Variants in EPB41L3 observed in about 807,000 individuals in gnomAD.
EPB41L3 encodes band 4.1-like protein 3.
A neutral mutation model predicts 127.1 loss-of-function variants in EPB41L3; 57 were observed. That is an observed-to-expected ratio of 0.45 (90% CI 0.36 to 0.56). EPB41L3 has a LOEUF of 0.56. Among genes scored for constraint, EPB41L3 ranks in the 20% least tolerant of loss-of-function variants. EPB41L3 has a pLI of 0.00. For synonymous variants in EPB41L3, 572 were observed against 549.5 expected (o/e 1.04, Z -0.57); for missense variants, 1,273 against 1,372.2 (o/e 0.93, Z 1.14).
intron 9 of EPB41L3, among the ~76,000 whole-genome samples, chr18:5,427,405 C>A (rs1426151902): frequency 6.6e-6 from 1 of 152,054 alleles, no homozygotes; most frequent in East Asian, 1.9e-4. Flanking sequence ...TATGTACAAA[C>A]CACTAAGGAA....
chr18:5,417,200 T>A lies in EPB41L3; in HGVS notation c.1507-822A>T, dbSNP rs187730397. On this transcript the variant is annotated intron_variant, in intron 12 of 22. Transcript: ENST00000341928. The stretch of plus-strand genomic sequence containing the variant: ...ATGCATAATAACAGAAAGATATAAT[T>A]TCCCAGCCTTCTGATTTTTCTTAGC... Among the ~76,000 whole-genome samples, 187 of 152,338 alleles carry A rather than the reference T, an allele frequency of 1.2e-3. 1 individual carries two copies. The highest frequency in any genetic ancestry group is 9.8e-4 in the Non-Finnish European group (67 of 68,030).
intron 1 of EPB41L3, among the ~76,000 whole-genome samples, chr18:5,618,055 C>A (rs960977486): frequency 6.6e-6 from 1 of 152,176 alleles, no homozygotes; most frequent in African/African-American, 2.4e-5. Context: ...GTTGTCTGGA[C>A]TAGCCTGGAA....
chr18:5,401,766 T>C (rs2074532204), intron 16 of EPB41L3, among the ~76,000 whole-genome samples: 1 of 152,180 alleles, frequency 6.6e-6, no homozygotes, highest in African/African-American at 2.4e-5. Flanking sequence ...GTTTTTGCTT[T>C]TTAACTTCTT....
chr18:5,464,386 G>A (rs1372996290), intron 3 of EPB41L3, among the ~76,000 whole-genome samples: 2 of 152,166 alleles, frequency 1.3e-5, no homozygotes, highest in African/African-American at 4.8e-5. Flanking sequence ...GCCAGCCAAA[G>A]ATCTGTGGTC....
In EPB41L3 at chr18:5,466,891, A is replaced by C. The variant is rs1400242331; in HGVS notation, c.381+11350T>G. Reference sequence around the variant, plus strand: ...GGCCAGCAGTACTTCCACAAAAAGGAAGGCATGAATTGAAATGCTAACTAA... The same window carrying C: ...GGCCAGCAGTACTTCCACAAAAAGGCAGGCATGAATTGAAATGCTAACTAA... On this transcript the variant is annotated intron_variant, in intron 3 of 22. Transcript: ENST00000341928. 4.6e-5 allele frequency among the ~76,000 whole-genome samples: 7 copies of C among 152,258 alleles called. No individual in the cohort carries two copies. In the East Asian group the frequency reaches 9.6e-4, roughly 21 times the overall value.
intron 8 of EPB41L3, among the ~76,000 whole-genome samples, chr18:5,432,971 G>T (rs576187933): frequency 1.3e-5 from 2 of 152,186 alleles, no homozygotes; most frequent in Non-Finnish European, 2.9e-5. Flanking sequence ...ACAGTGTCTG[G>T]CACTTAATGA....
intron 1 of EPB41L3, among the ~76,000 whole-genome samples, chr18:5,541,256 A>AAAAAAAAAC (rs2093722173): frequency 6.8e-6 from 1 of 147,714 alleles, no homozygotes; most frequent in African/African-American, 2.5e-5. Flanking sequence ...CCATCTCAAA[A>AAAAAAAAAC]AAAAAAAAAA....
intron 8 of EPB41L3, among the ~76,000 whole-genome samples, chr18:5,432,587 T>C (rs891079308): frequency 6.6e-6 from 1 of 152,212 alleles, no homozygotes; most frequent in South Asian, 2.1e-4. Flanking sequence ...TCCTTGTATT[T>C]CCACAAGACT....
intron 16 of EPB41L3, 184 bp from the exon 17 acceptor site, chr18:5,398,327 T>C: frequency 1.4e-6 from 1 of 697,004 alleles, no homozygotes; most frequent in Non-Finnish European, 2.4e-6. Flanking sequence ...GTGCTCTTGT[T>C]TGGTAAAGCA....
chr18:5,454,072 C>T (rs2082670466), intron 3 of EPB41L3, among the ~76,000 whole-genome samples: 1 of 152,152 alleles, frequency 6.6e-6, no homozygotes, highest in South Asian at 2.1e-4. Flanking sequence ...ACAGCTTGAG[C>T]CCAAATCAGA....
chr18:5,491,270 C>T (rs1252942330), intron 1 of EPB41L3, among the ~76,000 whole-genome samples: 7 of 152,194 alleles, frequency 4.6e-5, no homozygotes, highest in Non-Finnish European at 1.0e-4. Context: ...CCTTCCAGCA[C>T]GGGTCTCTGG....
Position 5,428,172 on chromosome 18 carries a change from C to T in EPB41L3, c.1065+141G>A, listed in dbSNP as rs556612993. ...TATTTATTACTGTTTATTGGGCAAA[C>T]CTACAATAAACTCTCTCAGGCACTT... On this transcript the variant is annotated intron_variant, in intron 9 of 22. Transcript: ENST00000341928. 1.2e-5 allele frequency: 11 copies of T among 886,400 alleles called. No homozygotes were observed. In the African/African-American group the frequency reaches 1.7e-4, roughly 13 times the overall value. The allele number at this position is 886,400 out of a possible 1,614,324, so 54.9% of individuals were successfully genotyped here. A position where few individuals can be genotyped will look rare whatever the true frequency, so the allele number is the denominator to read the frequency against.
intron 16 of EPB41L3, among the ~76,000 whole-genome samples, chr18:5,405,230 G>A (rs1003207310): frequency 6.6e-6 from 1 of 152,136 alleles, no homozygotes; most frequent in African/African-American, 2.4e-5. Context: ...AAGGACTTAA[G>A]CACTGCATAT....
chr18:5,482,761 T>C (rs1174577528), intron 2 of EPB41L3, among the ~76,000 whole-genome samples: 1 of 152,108 alleles, frequency 6.6e-6, no homozygotes. Flanking sequence ...CCAACAAAAT[T>C]ATCATTCAAA....
intron 1 of EPB41L3, among the ~76,000 whole-genome samples, chr18:5,614,961 G>A (rs2094775708): frequency 6.6e-6 from 1 of 152,094 alleles, no homozygotes; most frequent in South Asian, 2.1e-4. Context: ...ACATGGCCAG[G>A]GGACAAGGCT....
intron 16 of EPB41L3, among the ~76,000 whole-genome samples, chr18:5,401,917 G>T (rs2074557411): frequency 6.6e-6 from 1 of 151,910 alleles, no homozygotes; most frequent in Non-Finnish European, 1.5e-5. Context: ...AAATAACGAT[G>T]GAAAGTTCAA....
chr18:5,617,116 C>T (rs868664397), intron 1 of EPB41L3, among the ~76,000 whole-genome samples: 1 of 152,090 alleles, frequency 6.6e-6, no homozygotes, highest in Non-Finnish European at 1.5e-5. Context: ...TCATAAAATT[C>T]TCTTTCACCA....
intron 11 of EPB41L3, among the ~76,000 whole-genome samples, chr18:5,420,995 T>G (rs758531195): frequency 1.3e-5 from 2 of 152,194 alleles, no homozygotes; most frequent in African/African-American, 4.8e-5. Flanking sequence ...AATGGACCAG[T>G]TAGGCCATTC....
intron 1 of EPB41L3, among the ~76,000 whole-genome samples, chr18:5,536,944 C>T (rs2093592664): frequency 1.3e-5 from 2 of 152,154 alleles, no homozygotes; most frequent in East Asian, 3.9e-4. Context: ...TGTATATGTA[C>T]AAAATGATGC....
Sources: gnomAD v4.1 joint callset for allele counts (sites outside exome capture counted in the v4.1 genomes callset) on GRCh38, gnomAD v4.1.1 for gene constraint, MANE v1.5 for transcripts, NCBI Gene and HGNC (gene_info 2026-07-23, HGNC 2026-07-21) for gene names.